CLCC1: variants seen among roughly 807,000 people sequenced by gnomAD.
CLCC1 encodes chloride channel CLIC-like protein 1.
CLCC1 carries 39 observed loss-of-function variants against 63.3 expected under a neutral mutation model. The ratio of observed to expected loss-of-function variants is 0.62; its 90% CI spans 0.48 to 0.81. The LOEUF is 0.81. Ranked by LOEUF, CLCC1 falls within the 30% of genes least tolerant of loss-of-function variation. The pLI is 0.00. For synonymous variants in CLCC1, 217 were observed against 239.8 expected (o/e 0.90, Z 0.88); for missense variants, 549 against 669.4 (o/e 0.82, Z 1.98).
At position 108,963,397 on chromosome 1, in the gene CLCC1, C is replaced by G. The variant is rs1479298097; in HGVS notation, c.-209G>C. On this transcript the variant is annotated 5_prime_UTR_variant, in exon 1 of 13. Transcript: ENST00000369969. ...CCTGCCTGCCTCTCGAGGAAGACAC[C>G]TGCCCAGGCCGGCCGCAGAAGAGGT... is the stretch of plus-strand genomic sequence containing the variant. 1.4e-6 allele frequency: 1 copy of G among 702,360 alleles called. No individual in the cohort carries two copies. The highest frequency in any genetic ancestry group is 2.6e-6 in the Non-Finnish European group (1 of 384,898). The allele number at this position is 702,360 out of a possible 1,614,324, so 43.5% of individuals were successfully genotyped here. A position where few individuals can be genotyped will look rare whatever the true frequency, so the allele number is the denominator to read the frequency against.
Position 108,929,972 on chromosome 1 carries a change from C to G in CLCC1, c.*2575G>C, listed in dbSNP as rs1350670831. 6.3e-7 allele frequency: 1 copy of G among 1,591,218 alleles called. No homozygotes were observed. Among genetic ancestry groups the G allele is most frequent in the Non-Finnish European group, 8.6e-7 (1 of 1,160,824 alleles). On this transcript the variant is annotated 3_prime_UTR_variant, in exon 13 of 13. Transcript: ENST00000369969. ...TGGATTTATTTTTTTTCCTTTCAAA[C>G]ACGGTAAGGAAACAATCTATTACTT...
In CLCC1 at chr1:108,932,046, G is replaced by A. The variant is rs574134669; in HGVS notation, c.*501C>T. ...CCAGCACTTTGGGAGGCCGACAAGG[G>A]CGGGTCACTTGAGGTCAGGAGTTCG... On this transcript the variant is annotated 3_prime_UTR_variant, in exon 13 of 13. Transcript: ENST00000369969. 6.6e-6 allele frequency: 1 copy of A among 152,488 alleles called. No homozygotes were observed. The highest frequency in any genetic ancestry group is 6.5e-5 in the Admixed American group (1 of 15,310). 9.4% of individuals were successfully genotyped at this position (152,488 alleles called of 1,614,324 possible).
intron 2 of CLCC1, among the ~76,000 whole-genome samples, chr1:108,960,997 GT>G (rs1294052405): frequency 6.6e-6 from 1 of 152,130 alleles, no homozygotes; most frequent in African/African-American, 2.4e-5. Flanking sequence ...CAGCCAGGCA[GT>G]TGAGTTTTGA....
chr1:108,943,615 C>A lies in CLCC1; in HGVS notation c.562G>T (p.Val188Leu). The A allele has an allele frequency of 1.3e-6, 2 of 1,573,634 alleles. No homozygotes were observed. Residue 188 changes from valine to leucine, a missense_variant and splice_region_variant, in exon 7 of 13, where the codon GTA becomes TTA. Transcript: ENST00000369969. Reference sequence around the variant, plus strand: ...ACGATGCAGAGCAGACAAAGAAGTACCTTAAAACAGAGAGAAGCAGAAATC... The same window carrying A: ...ACGATGCAGAGCAGACAAAGAAGTAACTTAAAACAGAGAGAAGCAGAAATC... ...FGVDPYNVLMVLLCLLCIVVL... is the reference protein window; with the variant it reads ...FGVDPYNVLMLLLCLLCIVVL...
chr1:108,954,801 C>T (rs929241957), intron 2 of CLCC1, among the ~76,000 whole-genome samples: 1 of 146,216 alleles, frequency 6.8e-6, no homozygotes, highest in Non-Finnish European at 1.5e-5. Context: ...CTACTGTATA[C>T]TGGGCACTGT....
At chr1:108,950,243 G>C in intron 3 of CLCC1, 66 bp downstream of exon 3, 1 of 1,517,430 alleles carries the variant, frequency 6.6e-7, no homozygotes. Context: ...CAAAACAACA[G>C]AGCTAGACTG....
intron 4 of CLCC1, among the ~76,000 whole-genome samples, chr1:108,948,663 A>T (rs1571054063): frequency 6.6e-6 from 1 of 151,992 alleles, no homozygotes; most frequent in Non-Finnish European, 1.5e-5. Context: ...AAAAAAAAAA[A>T]AGAATTCAAG....
chr1:108,935,022 C>G, intron 11 of CLCC1, 80 bp from the exon 12 acceptor site: 2 of 1,397,404 alleles, frequency 1.4e-6, no homozygotes, highest in Non-Finnish European at 1.9e-6. Context: ...AAAGTTCCCA[C>G]CCAAATCCGT....
At position 108,949,912 on chromosome 1, in the gene CLCC1, C is replaced by T; in HGVS notation, c.139G>A (p.Gly47Ser). The T allele has an allele frequency of 6.3e-7, 1 of 1,588,542 alleles. No individual in the cohort carries two copies. The highest frequency in any genetic ancestry group is 1.2e-5 in the South Asian group (1 of 85,776). ...CTGACATCCTTTTCCCCTGAAATAC[C>T]ATATTTTGCCTAAAACAGAGTATAG... ...GTMRKSQAKYGISGEKDVSPD... is the reference protein window; with the variant it reads ...GTMRKSQAKYSISGEKDVSPD... The change falls in exon 4 of 13, where the codon GGT (glycine) becomes AGT (serine). Residue 47 changes from glycine (G) to serine (S), a missense_variant. Gly to Ser is a moderately conservative substitution (Grantham distance 56, BLOSUM62 0). Coordinates refer to ENST00000369969, the MANE Select transcript of CLCC1 (RefSeq NM_001377458.1).
Position 108,962,093 on chromosome 1 carries a change from A to T in CLCC1, c.-12+216T>A, listed in dbSNP as rs374261547. On this transcript the variant is annotated intron_variant, in intron 2 of 12. Coordinates refer to ENST00000369969, the MANE Select transcript of CLCC1 (RefSeq NM_001377458.1). ...CTAATGGCTCTCAGGGGCTTCTCTG[A>T]GAGGATAGGGTCTTAGAGTGGAGAG... Among the ~76,000 whole-genome samples the T allele has an allele frequency of 1.4e-3, 216 of 152,112 alleles. 4 individuals carry two copies. Among genetic ancestry groups the T allele is most frequent in the Non-Finnish European group, 6.8e-4 (46 of 68,008 alleles).
rs371236697 is a variant in CLCC1 at position 108,949,880 on chromosome 1, G to A, written c.171C>T (p.Asp57=). ...GISGEKDVSP[D]LSCADEISEC... ...CTGATATTTCATCAGCACATGACAA[G>A]TCAGGACTGACATCCTTTTCCCCTG... The change falls in exon 4 of 13, where the codon GAC becomes GAT. Residue 57 remains aspartate, a synonymous_variant. Transcript: ENST00000369969. The A allele has an allele frequency of 1.2e-6, 2 of 1,603,494 alleles. No homozygotes were observed. The highest frequency in any genetic ancestry group is 1.7e-6 in the Non-Finnish European group (2 of 1,176,610).
chr1:108,941,531 C>T (rs1376519720), intron 7 of CLCC1, 33 bp from the exon 8 acceptor site: 11 of 1,584,222 alleles, frequency 6.9e-6, no homozygotes, highest in South Asian at 1.1e-5. Flanking sequence ...CAGGAGAGGC[C>T]GTTACCTATG....
intron 2 of CLCC1, among the ~76,000 whole-genome samples, chr1:108,958,530 A>G (rs1656212804): frequency 1.3e-5 from 2 of 151,538 alleles, no homozygotes; most frequent in Non-Finnish European, 2.9e-5. Context: ...GGCAATTCAG[A>G]TATGTCAAAG....
In CLCC1 at chr1:108,930,074, C is replaced by T. The variant is rs1557885030; in HGVS notation, c.*2473G>A. 14 of 838,918 alleles carry T rather than the reference C, an allele frequency of 1.7e-5. No individual in the cohort carries two copies. In the East Asian group the frequency reaches 3.5e-4, roughly 21 times the overall value. 52.0% of individuals were successfully genotyped at this position (838,918 alleles called of 1,614,324 possible). ...TAGAATGATGTAAATAGTTAACCTTCAGTAGTCTATTAAGGCATTAATACT... is the reference window on the plus strand; with the variant it reads ...TAGAATGATGTAAATAGTTAACCTTTAGTAGTCTATTAAGGCATTAATACT... On this transcript the variant is annotated 3_prime_UTR_variant, in exon 13 of 13. Transcript: ENST00000369969.
At position 108,952,747 on chromosome 1, in the gene CLCC1, C is replaced by A. The variant is rs182398805; in HGVS notation, c.-11-2299G>T. Among the ~76,000 whole-genome samples, 794 of 151,462 alleles carry A rather than the reference C, an allele frequency of 5.2e-3. 12 individuals are homozygous for A. Among genetic ancestry groups the A allele is most frequent in the African/African-American group, 0.018 (743 of 41,216 alleles). Reference sequence around the variant, plus strand: ...CCCAGGAGGCAGAGGTTGCAGTGAGCTGAGATCGCGCCACTGCACTCCAGC... The same window carrying A: ...CCCAGGAGGCAGAGGTTGCAGTGAGATGAGATCGCGCCACTGCACTCCAGC... On this transcript the variant is annotated intron_variant, in intron 2 of 12. Coordinates refer to ENST00000369969, the MANE Select transcript of CLCC1 (RefSeq NM_001377458.1).
chr1:108,961,617 T>TG (rs1656649044), intron 2 of CLCC1, among the ~76,000 whole-genome samples: 1 of 152,166 alleles, frequency 6.6e-6, no homozygotes. Context: ...CCCAGCACCT[T>TG]GGGAGGCCAA....
intron 2 of CLCC1, among the ~76,000 whole-genome samples, chr1:108,952,426 C>T (rs558351170): frequency 4.3e-4 from 65 of 152,246 alleles, no homozygotes; most frequent in Admixed American, 9.8e-4. Context: ...CCACCTTGGC[C>T]TCCCAAAGTA....
rs191950884 is a variant in CLCC1, at chr1:108,958,949, G to A, written c.-12+3360C>T. Reference sequence around the variant, plus strand: ...AGCACTTTGGGAGGCCGAGGTGGGCGGATCACCCAAGATCGGGAGTTTGAG... The same window carrying A: ...AGCACTTTGGGAGGCCGAGGTGGGCAGATCACCCAAGATCGGGAGTTTGAG... On this transcript the variant is annotated intron_variant, in intron 2 of 12. Transcript: ENST00000369969. Among the ~76,000 whole-genome samples the A allele has an allele frequency of 5.4e-4, 81 of 151,236 alleles. 6 individuals are homozygous for A. The highest frequency in any genetic ancestry group is 1.9e-3 in the African/African-American group (76 of 40,582).
intron 2 of CLCC1, among the ~76,000 whole-genome samples, chr1:108,952,447 A>G (rs1655320019): frequency 6.6e-6 from 1 of 152,116 alleles, no homozygotes; most frequent in Admixed American, 6.5e-5. Flanking sequence ...CTGGGATTAT[A>G]GGCATGAGCC....
Sources: allele counts gnomAD v4.1 joint callset (sites outside exome capture counted in the v4.1 genomes callset), GRCh38; gene constraint gnomAD v4.1.1; transcripts MANE v1.5; gene names NCBI Gene and HGNC (gene_info 2026-07-23, HGNC 2026-07-21).